Variants in KIF5C observed in about 807,000 individuals in gnomAD.
The protein encoded by KIF5C is kinesin heavy chain isoform 5C.
Under a neutral mutation model 125.2 loss-of-function variants are expected in KIF5C, and 18 were observed. That is an observed-to-expected ratio of 0.14 (90% confidence interval 0.10 to 0.21). KIF5C has a LOEUF of 0.21. KIF5C is among the 10% of genes least tolerant of loss of function. The probability of loss-of-function intolerance (pLI) is 1.00; values close to 1 mark genes in which losing one functional copy is unlikely to be tolerated. For synonymous variants in KIF5C, 405 were observed against 434.0 expected, an observed-to-expected ratio of 0.93 and a Z score of 0.83; for missense variants, 780 against 1,183.8, an observed-to-expected ratio of 0.66 and a Z score of 5.01.
rs73965227 is a variant in KIF5C, at chr2:148,961,785, T to G, written c.969-186T>G. 0.11 allele frequency among the ~76,000 whole-genome samples: 17,073 copies of G among 152,132 alleles called. 1,302 individuals carry two copies. The highest frequency in any genetic ancestry group is 0.2 in the African/African-American group (8,499 of 41,482). ...GGATGTGAAGGAGAAAAGGAAAGGATGAGCTTGAGGCCTCAAGGGTTAGTG... is the reference window on the plus strand; with the variant it reads ...GGATGTGAAGGAGAAAAGGAAAGGAGGAGCTTGAGGCCTCAAGGGTTAGTG... On this transcript the variant is annotated intron_variant, in intron 10 of 25. Transcript: ENST00000435030.
In KIF5C at chr2:148,875,576, C is replaced by CCCCCCCCCCCCCCCCCGGG; in HGVS notation, c.-37_-36insCCCCCCCCCCCGGGCCCCC. 1 of 549,558 alleles carries CCCCCCCCCCCCCCCCCGGG rather than the reference C, an allele frequency of 1.8e-6. No individual in the cohort carries two copies. The highest frequency in any genetic ancestry group is 3.4e-6 in the Non-Finnish European group (1 of 291,390). The allele number at this position is 549,558 out of a possible 1,614,324, so 34.0% of individuals were successfully genotyped here. ...CCTCCCTCGTCGTTCCCGGCCCCGG[C>CCCCCCCCCCCCCCCCCGGG]CCCCCACCCATCCCCGTGCCCCCTC... is the stretch of plus-strand genomic sequence containing the variant. On this transcript the variant is annotated 5_prime_UTR_variant, in exon 1 of 26. Coordinates refer to ENST00000435030, the MANE Select transcript of KIF5C (RefSeq NM_004522.3).
chr2:148,975,142 G>A (rs1681027155), intron 12 of KIF5C, among the ~76,000 whole-genome samples: 1 of 152,120 alleles, frequency 6.6e-6, no homozygotes, highest in South Asian at 2.1e-4. Flanking sequence ...TAGTATTTGT[G>A]GTCCCTCACA....
chr2:148,945,631 G>A (rs929431432), intron 7 of KIF5C, among the ~76,000 whole-genome samples: 2 of 152,110 alleles, frequency 1.3e-5, no homozygotes, highest in African/African-American at 2.4e-5. Context: ...GTGCTAATTT[G>A]TGAGGTTTTG....
rs1273356381 is a variant in KIF5C at position 148,876,034 on chromosome 2, C to G, written c.126+291C>G. On this transcript the variant is annotated intron_variant, in intron 1 of 25. Transcript: ENST00000435030. This position sits in a 1 kb window ranked among gnomAD's most constrained non-coding sequence, Gnocchi z 4.7. ...CGCCGGGTGGGGGCCCGGGTGGGCC[C>G]ATTGTTCCCCACGCTCGCCTCGCCG... Among the ~76,000 whole-genome samples the G allele has an allele frequency of 1.3e-5, 2 of 152,098 alleles. No individual in the cohort carries two copies. Among genetic ancestry groups the G allele is most frequent in the Non-Finnish European group, 2.9e-5 (2 of 68,006 alleles).
intron 2 of KIF5C, among the ~76,000 whole-genome samples, chr2:148,923,000 C>T (rs867568790): frequency 4.6e-5 from 7 of 152,218 alleles, no homozygotes; most frequent in Admixed American, 6.5e-5. Context: ...CTTGCATTGG[C>T]AGGCTTGCCA....
intron 1 of KIF5C, chr2:148,878,055 C>G (rs1262286581): frequency 6.6e-6 from 1 of 152,160 alleles, no homozygotes; most frequent in African/African-American, 2.4e-5. Flanking sequence ...TCCTTTAATA[C>G]AACAGTTTTC....
At position 149,010,287 on chromosome 2, in the gene KIF5C, G is replaced by A. The variant is rs746262801; in HGVS notation, c.2703G>A (p.Val901=). 3.8e-6 allele frequency: 6 copies of A among 1,596,860 alleles called. No homozygotes were observed. The East Asian group carries it at 1.4e-4, about 36-fold the overall frequency. ...MRDRKRYQQE[V]DRIKEAVRAK... ...ACCGTAAGCGCTACCAGCAGGAGGT[G>A]GATCGTATCAAGGAGGCCGTGCGGG... is the stretch of plus-strand genomic sequence containing the variant. Residue 901 remains valine (V), a synonymous_variant, in exon 24 of 26, where the codon GTG becomes GTA. Coordinates refer to ENST00000435030, the MANE Select transcript of KIF5C (RefSeq NM_004522.3).
chr2:148,906,773 G>A (rs999957666), intron 1 of KIF5C, among the ~76,000 whole-genome samples: 2 of 152,146 alleles, frequency 1.3e-5, no homozygotes, highest in Non-Finnish European at 2.9e-5. Flanking sequence ...GGCTGAGGTG[G>A]GAGGATTGCT....
At position 149,007,947 on chromosome 2, in the gene KIF5C, C is replaced by T. The variant is rs752978878; in HGVS notation, c.2446-16C>T. 1.3e-6 allele frequency: 2 copies of T among 1,578,492 alleles called. No homozygotes were observed. The highest frequency in any genetic ancestry group is 1.7e-6 in the Non-Finnish European group (2 of 1,155,432). On this transcript the variant is annotated splice_polypyrimidine_tract_variant and intron_variant, in intron 22 of 25. Coordinates refer to ENST00000435030, the MANE Select transcript of KIF5C (RefSeq NM_004522.3). The stretch of plus-strand genomic sequence containing the variant: ...GGGTGACAGCCTGTCCTGCTGACCC[C>T]TTGGTGTCAATGCAGAGTGTGGAGT...
chr2:148,987,917 C>T (rs756301831), intron 15 of KIF5C, among the ~76,000 whole-genome samples: 7 of 152,118 alleles, frequency 4.6e-5, no homozygotes, highest in African/African-American at 7.2e-5. Flanking sequence ...GGCAGTAGTT[C>T]ATCATCGTGC....
At chr2:148,963,806 C>T (rs1682985131) in intron 11 of KIF5C, among the ~76,000 whole-genome samples, 1 of 152,128 alleles carries the variant, frequency 6.6e-6, no homozygotes, top group South Asian at 2.1e-4. Flanking sequence ...TTTCCCCCAT[C>T]ATTTTGCATC....
At chr2:148,974,535 C>A (rs940897304) in intron 12 of KIF5C, among the ~76,000 whole-genome samples, 4 of 152,132 alleles carry the variant, frequency 2.6e-5, no homozygotes, top group African/African-American at 9.7e-5. Context: ...TGGGGTCATC[C>A]TACTCTTCTG....
At chr2:148,997,575 C>T in intron 18 of KIF5C, 1 of 625,450 alleles carries the variant, frequency 1.6e-6, no homozygotes, top group Non-Finnish European at 2.6e-6. Flanking sequence ...ATACCTTTGT[C>T]TTCACCATTC....
At chr2:148,977,681 A>G (rs1558928537) in intron 12 of KIF5C, among the ~76,000 whole-genome samples, 1 of 152,254 alleles carries the variant, frequency 6.6e-6, no homozygotes, top group Non-Finnish European at 1.5e-5. Context: ...CTCTTTAAGT[A>G]GAAAAGCAAA....
At position 148,929,305 on chromosome 2, in the gene KIF5C, C is replaced by T. The variant is rs1222200321; in HGVS notation, c.242C>T (p.Thr81Met). Reference protein sequence around the residue: ...VKDVLEGYNGTIFAYGQTSSG... With the variant: ...VKDVLEGYNGMIFAYGQTSSG... ...GATGTCCTTGAAGGTTATAACGGGACGATTTTTGCGTATGGGCAGACTTCA... is the reference window on the plus strand; with the variant it reads ...GATGTCCTTGAAGGTTATAACGGGATGATTTTTGCGTATGGGCAGACTTCA... Residue 81 changes from threonine (T) to methionine (M), a missense_variant, in exon 3 of 26, where the codon ACG becomes ATG. Around this residue, in one of 2 missense-constraint regions of KIF5C, gnomAD observed 207 missense variants for 441.2 expected, o/e 0.47. Transcript: ENST00000435030. 3.3e-6 allele frequency: 5 copies of T among 1,535,950 alleles called. No individual in the cohort carries two copies. The highest frequency in any genetic ancestry group is 4.4e-6 in the Non-Finnish European group (5 of 1,145,876).
At chr2:148,996,817 A>C (rs1211705216) in intron 17 of KIF5C, among the ~76,000 whole-genome samples, 1 of 152,168 alleles carries the variant, frequency 6.6e-6, no homozygotes, top group African/African-American at 2.4e-5. Context: ...ATGGGAGGTA[A>C]ATTAGGTCTT....
At position 148,887,803 on chromosome 2, in the gene KIF5C, C is replaced by T. The variant is rs1030387874; in HGVS notation, c.126+12060C>T. 3.9e-5 allele frequency among the ~76,000 whole-genome samples: 6 copies of T among 151,994 alleles called. No individual in the cohort carries two copies. The East Asian group carries it at 5.8e-4, about 15-fold the overall frequency. ...ACCCAGTAGGTAGTTTTTCACCCTA[C>T]GCCCCCTTCCCGCCCTCCCCACGCT... On this transcript the variant is annotated intron_variant, in intron 1 of 25. Coordinates refer to ENST00000435030, the MANE Select transcript of KIF5C (RefSeq NM_004522.3).
rs1681819402 is a variant in KIF5C, at chr2:149,000,612, T to G, written c.2312+88T>G. The G allele has an allele frequency of 5.7e-6, 9 of 1,582,438 alleles. No individual in the cohort carries two copies. The South Asian group carries it at 9.2e-5, about 16-fold the overall frequency. On this transcript the variant is annotated intron_variant, in intron 20 of 25. Transcript: ENST00000435030. ...GGCTAATTTAAAAACAGACAATGGC[T>G]ATTTGTGTGCTTGTTGGTGGGTTTT...
At chr2:149,000,003 T>C (rs997541117) in intron 19 of KIF5C, 1 of 158,382 alleles carries the variant, frequency 6.3e-6, no homozygotes, top group East Asian at 1.8e-4. Context: ...ACTTGGGAGA[T>C]GTTTTTAGAA....
Sources: gnomAD v4.1 joint callset for allele counts (sites outside exome capture counted in the v4.1 genomes callset) on GRCh38, gnomAD v4.1.1 for gene constraint, gnomAD v4.1.1 regional missense constraint, Gnocchi (gnomAD v3.1) non-coding constraint, MANE v1.5 for transcripts, NCBI Gene and HGNC (gene_info 2026-07-23, HGNC 2026-07-21) for gene names.